TGFBRAP1: variants seen among roughly 807,000 people sequenced by gnomAD.
The protein encoded by TGFBRAP1 is transforming growth factor-beta receptor-associated protein 1.
Under a neutral mutation model 83.2 loss-of-function variants are expected in TGFBRAP1, and 20 were observed. The ratio of observed to expected loss-of-function variants is 0.24; its 90% CI spans 0.17 to 0.35. The LOEUF (loss-of-function observed/expected upper bound fraction) is 0.35. Among genes scored for constraint, TGFBRAP1 ranks in the 10% least tolerant of loss-of-function variants. TGFBRAP1 has a pLI of 1.00. For missense variants in TGFBRAP1, 950 were observed against 1,099.4 expected, an observed-to-expected ratio of 0.86 and a Z score of 1.92; for synonymous variants, 415 against 459.8, an observed-to-expected ratio of 0.90 and a Z score of 1.25.
the TGFBRAP1 span, among the ~76,000 whole-genome samples, chr2:105,256,542 T>C: frequency 6.6e-6 from 1 of 152,230 alleles, no homozygotes; most frequent in African/African-American, 2.4e-5. Context: ...AGAGATTCCA[T>C]TTCTTTGATT....
rs141123995 is a variant in TGFBRAP1 at position 105,307,924 on chromosome 2, C to T, written c.378G>A (p.Glu126=). Residue 126 remains glutamate, a synonymous_variant, in exon 2 of 12, where the codon GAG becomes GAA. Transcript: ENST00000393359. ...AGAAGGGGTCCCCACTCACAGGGTT[C>T]TCGTTCAGTGCAAACGTGGCTGCCC... ...IKGAATFALN[E]NPVSGDPFCV... The T allele has an allele frequency of 3.5e-5, 56 of 1,614,234 alleles. No individual in the cohort carries two copies. In the African/African-American group the frequency reaches 7.2e-4, roughly 21 times the overall value.
At chr2:105,250,041 T>C in the TGFBRAP1 span, among the ~76,000 whole-genome samples, 1 of 152,348 alleles carries the variant, frequency 6.6e-6, no homozygotes, top group East Asian at 1.9e-4. Flanking sequence ...CTTTCTGCTC[T>C]CTTGCCCCTT....
intron 1 of TGFBRAP1, among the ~76,000 whole-genome samples, chr2:105,316,387 G>A (rs987236501): frequency 3.4e-5 from 5 of 147,870 alleles, no homozygotes; most frequent in Non-Finnish European, 6.0e-5. Context: ...AAAAAAAAAT[G>A]CCATTCCAAT....
At chr2:105,291,334 C>A (rs1259000845) in intron 4 of TGFBRAP1, among the ~76,000 whole-genome samples, 1 of 152,194 alleles carries the variant, frequency 6.6e-6, no homozygotes. Context: ...ACACCTGGAT[C>A]TTGGCCTCCA....
intron 4 of TGFBRAP1, among the ~76,000 whole-genome samples, chr2:105,287,446 G>T (rs1302075766): frequency 6.6e-6 from 1 of 152,164 alleles, no homozygotes; most frequent in East Asian, 1.9e-4. Context: ...GTAGCCAAAG[G>T]CTTCTCATGT....
At chr2:105,283,718 G>A (rs952435132) in intron 5 of TGFBRAP1, among the ~76,000 whole-genome samples, 1 of 152,224 alleles carries the variant, frequency 6.6e-6, no homozygotes, top group African/African-American at 2.4e-5. Flanking sequence ...CTGTAAGGCA[G>A]GTGTGGCGGG....
chr2:105,313,020 G>A (rs943097493), intron 1 of TGFBRAP1, among the ~76,000 whole-genome samples: 10 of 152,172 alleles, frequency 6.6e-5, no homozygotes, highest in African/African-American at 2.4e-4. Context: ...GCTGAGGCAG[G>A]AGAATCACTT....
At chr2:105,318,956 T>A (rs1678969919) in intron 1 of TGFBRAP1, among the ~76,000 whole-genome samples, 1 of 152,176 alleles carries the variant, frequency 6.6e-6, no homozygotes, top group East Asian at 1.9e-4. Context: ...AAACTGGTTT[T>A]ACTATCTTAC....
At chr2:105,311,145 T>TAAAAAAAAA (rs11389565) in intron 1 of TGFBRAP1, among the ~76,000 whole-genome samples, 22 of 125,402 alleles carry the variant, frequency 1.8e-4, no homozygotes, top group Middle Eastern at 4.4e-3. Context: ...GAGAGAGCTG[T>TAAAAAAAAA]AAAAAAAAAA....
intron 6 of TGFBRAP1, among the ~76,000 whole-genome samples, chr2:105,278,703 G>A (rs762832891): frequency 2.0e-5 from 3 of 152,154 alleles, no homozygotes; most frequent in Non-Finnish European, 2.9e-5. Context: ...GGAAACTGGA[G>A]TAAGTTGACC....
chr2:105,311,752 A>C (rs573327854), intron 1 of TGFBRAP1, among the ~76,000 whole-genome samples: 54 of 151,814 alleles, frequency 3.6e-4, no homozygotes, highest in South Asian at 6.3e-4. Flanking sequence ...TACACACACA[A>C]AAAAAAGTTA....
At chr2:105,306,417 G>A (rs141972333) in intron 2 of TGFBRAP1, among the ~76,000 whole-genome samples, 1 of 152,262 alleles carries the variant, frequency 6.6e-6, no homozygotes, top group East Asian at 1.9e-4. Context: ...TTAAGAGTGG[G>A]TAGATAGCTA....
chr2:105,308,336 A>C lies in TGFBRAP1; in HGVS notation c.-17-18T>G. 6.4e-7 allele frequency: 1 copy of C among 1,569,390 alleles called. No homozygotes were observed. Among genetic ancestry groups the C allele is most frequent in the Admixed American group, 1.8e-5 (1 of 55,582 alleles). On this transcript the variant is annotated intron_variant, in intron 1 of 11. Transcript: ENST00000393359. Reference sequence around the variant, plus strand: ...CTGATCTGCTGGAAGAGAAAGAGGAAAACTAATTTTAGAGGAACAAGGAAG... The same window carrying C: ...CTGATCTGCTGGAAGAGAAAGAGGACAACTAATTTTAGAGGAACAAGGAAG...
rs1677072170 is a variant in TGFBRAP1 at position 105,269,494 on chromosome 2, G to A, written c.2184C>T (p.Pro728=). 1 of 1,613,518 alleles carries A rather than the reference G, an allele frequency of 6.2e-7. No individual in the cohort carries two copies. The change falls in exon 11 of 12, where the codon CCC becomes CCT. Residue 728 remains proline (P), a synonymous_variant. Transcript: ENST00000393359. This position sits in a 1 kb window ranked among gnomAD's most constrained non-coding sequence, Gnocchi z 4.1. ...CAGCCACGGCCAGCTCGTGGGCAGT[G>A]GGGCCAGCATGCAGGTAGATGGCCA... ...TLLAIYLHAG[P]TAHELAVAAV... is the part of the protein sequence containing the mutation.
intron 4 of TGFBRAP1, among the ~76,000 whole-genome samples, chr2:105,285,369 G>C (rs1030426432): frequency 6.6e-6 from 1 of 152,162 alleles, no homozygotes; most frequent in African/African-American, 2.4e-5. Flanking sequence ...TGATCCATTT[G>C]TATGAAACTC....
intron 1 of TGFBRAP1, among the ~76,000 whole-genome samples, chr2:105,325,913 G>A (rs1679214493): frequency 6.6e-6 from 1 of 152,030 alleles, no homozygotes; most frequent in East Asian, 1.9e-4. Context: ...CTTTGAAAAT[G>A]AAGATACTGC....
intron 7 of TGFBRAP1, 111 bp downstream of exon 7, chr2:105,277,503 T>C: frequency 1.1e-6 from 1 of 916,458 alleles, no homozygotes; most frequent in Non-Finnish European, 1.8e-6. Context: ...TAAAAGGGTG[T>C]AGATCAGGCA....
chr2:105,280,315 C>G, intron 6 of TGFBRAP1, 67 bp downstream of exon 6: 1 of 1,520,094 alleles, frequency 6.6e-7, no homozygotes. Flanking sequence ...GAGGATCTCC[C>G]CAGCAAAGAG....
intron 4 of TGFBRAP1, among the ~76,000 whole-genome samples, chr2:105,290,897 T>G (rs1182591072): frequency 6.6e-6 from 1 of 151,932 alleles, no homozygotes. Flanking sequence ...TCCCAACTAC[T>G]CGGGAGGCTG....
Sources: gnomAD v4.1 joint callset for allele counts (sites outside exome capture counted in the v4.1 genomes callset) on GRCh38, gnomAD v4.1.1 for gene constraint, Gnocchi (gnomAD v3.1) non-coding constraint, MANE v1.5 for transcripts, NCBI Gene and HGNC (gene_info 2026-07-23, HGNC 2026-07-21) for gene names.